CES4A: variants seen among roughly 807,000 people sequenced by gnomAD.
CES4A encodes the protein carboxylesterase 6.
A neutral mutation model predicts 65.4 loss-of-function variants in CES4A; 48 were observed. The observed-to-expected ratio is 0.73, with a 90% confidence interval of 0.58 to 0.93. The LOEUF is 0.93. Ranked by LOEUF, CES4A falls within the 40% of genes least tolerant of loss-of-function variation. The pLI is 0.00. For missense variants in CES4A, 685 were observed against 728.5 expected, an observed-to-expected ratio of 0.94 and a Z score of 0.69; for synonymous variants, 247 against 281.8, an observed-to-expected ratio of 0.88 and a Z score of 1.24.
exon 11 of CES4A, chr16:67,005,377 T>A (rs1174436653): frequency 1.2e-6 from 2 of 1,613,984 alleles, no homozygotes; most frequent in East Asian, 4.5e-5. Flanking sequence ...CACTGCAGAC[T>A]GCTCACTACC....
In CES4A at chr16:67,003,654, C is replaced by G; in HGVS notation, c.939+101C>G. On this transcript the variant is annotated intron_variant, in intron 8 of 13. Transcript: ENST00000648724. This position sits in a 1 kb window ranked among gnomAD's most constrained non-coding sequence, Gnocchi z 4.2. The stretch of plus-strand genomic sequence containing the variant: ...AATTGTTCAGGCCAAGATCCCTTCC[C>G]TAGTGGAGCTGATGTTCCAGTGGGG... The G allele has an allele frequency of 2.2e-6, 2 of 922,494 alleles. No individual in the cohort carries two copies. The highest frequency in any genetic ancestry group is 1.8e-6 in the Non-Finnish European group (1 of 553,532). The allele number at this position is 922,494 out of a possible 1,614,324, so 57.1% of individuals were successfully genotyped here.
rs1597108585 is a variant in CES4A, at chr16:67,009,379, T to G, written c.*237T>G. 9 of 470,836 alleles carry G rather than the reference T, an allele frequency of 1.9e-5. No individual in the cohort carries two copies. In the East Asian group the frequency reaches 3.1e-4, roughly 16 times the overall value. The allele number at this position is 470,836 out of a possible 1,614,324, so 29.2% of individuals were successfully genotyped here. A position where few individuals can be genotyped will look rare whatever the true frequency, so the allele number is the denominator to read the frequency against. On this transcript the variant is annotated 3_prime_UTR_variant, in exon 14 of 14. Transcript: ENST00000648724. ...CTCTACTTCACTGTTGACATCCAGT[T>G]AGGCCAGGCCCTGTCAACACCACAC...
At chr16:66,996,131 G>T (rs552114837) in intron 2 of CES4A, 40 of 495,926 alleles carry the variant, frequency 8.1e-5, no homozygotes, top group Non-Finnish European at 1.4e-4. Context: ...TCCGCCTCCC[G>T]GGTTCAAGCG....
exon 10 of CES4A, chr16:67,004,796 A>C: frequency 6.5e-7 from 1 of 1,536,086 alleles, no homozygotes; most frequent in East Asian, 2.4e-5. Flanking sequence ...TGAACAGATC[A>C]TGAAGTTCCC....
chr16:67,004,777 C>T lies in CES4A; in HGVS notation c.1081-16C>T, dbSNP rs1323008467. On this transcript the variant is annotated splice_polypyrimidine_tract_variant and intron_variant, in intron 9 of 13. Transcript: ENST00000648724. ...CTCAGGCCTGACCCACACTGGGGTC[C>T]TTGTCTTGTGAACAGATCATGAAGT... The T allele has an allele frequency of 1.3e-6, 2 of 1,535,354 alleles. No individual in the cohort carries two copies. The highest frequency in any genetic ancestry group is 8.7e-7 in the Non-Finnish European group (1 of 1,146,342).
rs752538333 is a variant in CES4A at position 67,003,986 on chromosome 16, A to G, written c.940-98A>G. 145 of 1,267,178 alleles carry G rather than the reference A, an allele frequency of 1.1e-4. No individual in the cohort carries two copies. Among genetic ancestry groups the G allele is most frequent in the Non-Finnish European group, 1.5e-4 (138 of 890,782 alleles). The allele number at this position is 1,267,178 out of a possible 1,614,324, so 78.5% of individuals were successfully genotyped here. A position where few individuals can be genotyped will look rare whatever the true frequency, so the allele number is the denominator to read the frequency against. Reference sequence around the variant, plus strand: ...AGCCCCAGCCTTTTCCCAATCAAAGAACCTAGGCTAGAGCAGCCTCTGAAG... The same window carrying G: ...AGCCCCAGCCTTTTCCCAATCAAAGGACCTAGGCTAGAGCAGCCTCTGAAG... On this transcript the variant is annotated intron_variant, in intron 8 of 13. Coordinates refer to ENST00000648724, the Ensembl canonical transcript of CES4A. This position sits in a 1 kb window ranked among gnomAD's most constrained non-coding sequence, Gnocchi z 4.2.
Position 67,001,592 on chromosome 16 carries a change from C to T in CES4A, c.690+131C>T. On this transcript the variant is annotated intron_variant, in intron 5 of 13. Transcript: ENST00000648724. The surrounding 1 kb of genome is among the most constrained non-coding windows in gnomAD (Gnocchi z 4.1). The stretch of plus-strand genomic sequence containing the variant: ...GTGCCTGCCACAGAAATGCTCTCGC[C>T]CCTGCCAAGGGTACAGCCCCTCATA... 1 of 1,117,152 alleles carries T rather than the reference C, an allele frequency of 9.0e-7. No individual in the cohort carries two copies. Among genetic ancestry groups the T allele is most frequent in the Non-Finnish European group, 1.2e-6 (1 of 800,946 alleles). The allele number at this position is 1,117,152 out of a possible 1,614,324, so 69.2% of individuals were successfully genotyped here. A position where few individuals can be genotyped will look rare whatever the true frequency, so the allele number is the denominator to read the frequency against.
At position 67,000,875 on chromosome 16, in the gene CES4A, G is replaced by A; in HGVS notation, c.421G>A (p.Gly141Arg). 6.2e-7 allele frequency: 1 copy of A among 1,604,010 alleles called. No homozygotes were observed. ...CGTCCAGGTGATGGTCTGGTTCCCGGGAGGCGCCTTCATCGTGGGCGCTGC... is the reference window on the plus strand; with the variant it reads ...CGTCCAGGTGATGGTCTGGTTCCCGAGAGGCGCCTTCATCGTGGGCGCTGC... Residue 141 changes from glycine (G) to arginine (R), a missense_variant, in exon 4 of 14, where the codon GGA becomes AGA. By Grantham distance (125) the Gly-to-Arg change is moderately radical. Transcript: ENST00000648724. The surrounding 1 kb of genome is among the most constrained non-coding windows in gnomAD (Gnocchi z 4.2).
At chr16:66,995,719 C>A (rs1964792577) in exon 2 of CES4A, 11 of 1,614,206 alleles carry the variant, frequency 6.8e-6, no homozygotes, top group Non-Finnish European at 9.3e-6. Context: ...CCATCCAAGT[C>A]TTTTTAGGAG....
Position 67,003,005 on chromosome 16 carries a change from GC to G in CES4A, c.691-62del. The G allele has an allele frequency of 1.4e-6, 2 of 1,393,808 alleles. No homozygotes were observed. Among genetic ancestry groups the G allele is most frequent in the East Asian group, 4.6e-5 (2 of 43,766 alleles). 86.3% of individuals were successfully genotyped at this position (1,393,808 alleles called of 1,614,324 possible). On this transcript the variant is annotated intron_variant, in intron 5 of 13. Transcript: ENST00000648724. This position sits in a 1 kb window ranked among gnomAD's most constrained non-coding sequence, Gnocchi z 4.2. ...GCTGCCTGCCCATGGCCAGACAGAT[GC>G]CCAGAACAGCCCAGGTGTCTCTACT...
At chr16:67,005,346 A>G (rs778199395) in exon 11 of CES4A, 1 of 1,614,144 alleles carries the variant, frequency 6.2e-7, no homozygotes, top group Non-Finnish European at 8.5e-7. Context: ...ATAGTTCAAG[A>G]TGCCACTTTC....
chr16:66,997,953 ACAC>A (rs1460888496), intron 2 of CES4A, among the ~76,000 whole-genome samples: 5 of 2,716 alleles, frequency 1.8e-3, no homozygotes, highest in African/African-American at 4.7e-3. Flanking sequence ...TCTAAAACAC[ACAC>A]ACACACACAC....
In CES4A at chr16:67,001,811, C is replaced by T. The variant is rs1010045230; in HGVS notation, c.690+350C>T. Among the ~76,000 whole-genome samples, 1 of 152,264 alleles carries T rather than the reference C, an allele frequency of 6.6e-6. No individual in the cohort carries two copies. The highest frequency in any genetic ancestry group is 1.5e-5 in the Non-Finnish European group (1 of 68,050). On this transcript the variant is annotated intron_variant, in intron 5 of 13. Transcript: ENST00000648724. This position sits in a 1 kb window ranked among gnomAD's most constrained non-coding sequence, Gnocchi z 4.1. ...CCCTGGGCAAGGCTAGGACCTCACA[C>T]CAGGCCTGCAAGCCAGGGGCATGAG...
chr16:66,998,847 C>T (rs1052988888), intron 2 of CES4A, among the ~76,000 whole-genome samples: 17 of 150,484 alleles, frequency 1.1e-4, no homozygotes, highest in Admixed American at 1.1e-3. Context: ...GCCGACAGAG[C>T]GAGACTCCAT....
intron 13 of CES4A, 169 bp from the exon 14 acceptor site, chr16:67,008,805 G>A: frequency 1.5e-6 from 1 of 675,636 alleles, no homozygotes; most frequent in South Asian, 1.8e-5. Flanking sequence ...TGCCTGGAAG[G>A]CCCACCCCAA....
chr16:66,996,352 GA>G (rs1964854168), intron 2 of CES4A, among the ~76,000 whole-genome samples: 1 of 152,086 alleles, frequency 6.6e-6, no homozygotes, highest in African/African-American at 2.4e-5. Flanking sequence ...TGGTTTCTTA[GA>G]GGAGAGCTCC....
chr16:67,005,716 G>C, intron 11 of CES4A: 1 of 259,472 alleles, frequency 3.9e-6, no homozygotes, highest in Non-Finnish European at 7.3e-6. Flanking sequence ...AGCTGTAGTG[G>C]CGCATGCCTA....
chr16:66,988,899 G>A, intron 1 of CES4A, 69 bp downstream of exon 1: 1 of 1,502,384 alleles, frequency 6.7e-7, no homozygotes. Flanking sequence ...ACAGGCCCCA[G>A]TTCAACCTCT....
Position 67,003,329 on chromosome 16 carries a change from G to A in CES4A, c.869G>A (p.Gly290Glu), listed in dbSNP as rs1424103947. The change falls in exon 7 of 14, where the codon GGG (glycine) becomes GAG (glutamate). Residue 290 changes from glycine (G) to glutamate (E), a missense_variant. Gly to Glu is a moderately conservative substitution (Grantham distance 98). Coordinates refer to ENST00000648724, the Ensembl canonical transcript of CES4A. This position sits in a 1 kb window ranked among gnomAD's most constrained non-coding sequence, Gnocchi z 4.2. ...GTAAACTGCCTGAGGGCACTATCAG[G>A]GACCAAGGTGATGCGTGTGTCCAAC... 6.2e-7 allele frequency: 1 copy of A among 1,614,008 alleles called. No homozygotes were observed. The highest frequency in any genetic ancestry group is 8.5e-7 in the Non-Finnish European group (1 of 1,180,000).
Sources: allele counts gnomAD v4.1 joint callset (sites outside exome capture counted in the v4.1 genomes callset), GRCh38; gene constraint gnomAD v4.1.1; non-coding constraint Gnocchi (gnomAD v3.1); transcripts MANE v1.5; gene names NCBI Gene and HGNC (gene_info 2026-07-23, HGNC 2026-07-21).